SLC44A5: variants seen among roughly 807,000 people sequenced by gnomAD.
SLC44A5 encodes choline transporter-like protein 5.
A neutral mutation model predicts 101.8 loss-of-function variants in SLC44A5; 57 were observed. The observed-to-expected ratio is 0.56, with a 90% confidence interval of 0.45 to 0.70. The LOEUF (loss-of-function observed/expected upper bound fraction) is 0.70, where lower values mean the gene tolerates loss of function less well. Ranked by LOEUF, SLC44A5 falls within the 30% of genes least tolerant of loss-of-function variation. The pLI, the probability that SLC44A5 is intolerant of heterozygous loss-of-function variation, is 0.00. For missense variants in SLC44A5, 737 were observed against 853.1 expected (o/e 0.86, Z 1.70); for synonymous variants, 281 against 290.9 (o/e 0.97, Z 0.35).
At chr1:75,396,961 C>A (rs144103175) in intron 2 of SLC44A5, among the ~76,000 whole-genome samples, 1 of 152,240 alleles carries the variant, frequency 6.6e-6, no homozygotes, top group African/African-American at 2.4e-5. Context: ...AGAAATGAGG[C>A]ATTTTGTTTA....
At chr1:75,713,374 T>C in the SLC44A5 span, among the ~76,000 whole-genome samples, 4 of 152,204 alleles carry the variant, frequency 2.6e-5, no homozygotes, top group Non-Finnish European at 5.9e-5. Flanking sequence ...TCTAAACTCA[T>C]ATACTCTTAC....
intron 3 of SLC44A5, among the ~76,000 whole-genome samples, chr1:75,361,032 TA>T (rs1659452765): frequency 6.6e-6 from 1 of 152,174 alleles, no homozygotes; most frequent in Admixed American, 6.6e-5. Flanking sequence ...CCTACATGAT[TA>T]AATTTACACC....
At chr1:75,449,527 G>A (rs961054600) in intron 2 of SLC44A5, among the ~76,000 whole-genome samples, 2 of 152,096 alleles carry the variant, frequency 1.3e-5, no homozygotes, top group African/African-American at 2.4e-5. Context: ...GACTTTGCGG[G>A]AATCTTCCTC....
At chr1:75,310,185 T>C (rs548608131) in intron 4 of SLC44A5, among the ~76,000 whole-genome samples, 1 of 152,350 alleles carries the variant, frequency 6.6e-6, no homozygotes, top group East Asian at 1.9e-4. Context: ...AGAAATGTGG[T>C]TTAAATTTCA....
At chr1:75,450,771 A>T (rs1665861820) in intron 2 of SLC44A5, among the ~76,000 whole-genome samples, 1 of 152,126 alleles carries the variant, frequency 6.6e-6, no homozygotes, top group Non-Finnish European at 1.5e-5. Context: ...GCACCTGCTC[A>T]CCTGGATCAG....
chr1:75,718,923 C>T, the SLC44A5 span, among the ~76,000 whole-genome samples: 5 of 152,232 alleles, frequency 3.3e-5, no homozygotes, highest in South Asian at 1.0e-3. Context: ...AATTTGAAAA[C>T]TATTTGTGTT....
At chr1:75,716,753 C>T in the SLC44A5 span, among the ~76,000 whole-genome samples, 5 of 152,070 alleles carry the variant, frequency 3.3e-5, no homozygotes, top group Admixed American at 1.3e-4. Context: ...ATATGGTGGC[C>T]GGGCATGCTG....
intron 3 of SLC44A5, among the ~76,000 whole-genome samples, chr1:75,344,339 C>A (rs1658095100): frequency 6.6e-6 from 1 of 152,148 alleles, no homozygotes; most frequent in African/African-American, 2.4e-5. Context: ...GAGCTTAGGA[C>A]ACTATAATAC....
intron 6 of SLC44A5, among the ~76,000 whole-genome samples, chr1:75,268,944 T>C (rs1057397504): frequency 6.6e-6 from 1 of 152,138 alleles, no homozygotes; most frequent in Admixed American, 6.5e-5. Flanking sequence ...AGGAAATCTA[T>C]GCAAATTTCC....
At chr1:75,518,580 GA>G (rs889617703) in intron 2 of SLC44A5, among the ~76,000 whole-genome samples, 2 of 152,106 alleles carry the variant, frequency 1.3e-5, no homozygotes, top group Non-Finnish European at 2.9e-5. Context: ...CAAATAAATA[GA>G]AAAAAATCTG....
chr1:75,578,603 C>T (rs1673507052), intron 1 of SLC44A5, among the ~76,000 whole-genome samples: 1 of 152,062 alleles, frequency 6.6e-6, no homozygotes, highest in South Asian at 2.1e-4. Context: ...AGAAACAGAG[C>T]ATAGAATGGT....
chr1:75,543,328 T>C (rs1045318069), intron 1 of SLC44A5, among the ~76,000 whole-genome samples: 2 of 152,010 alleles, frequency 1.3e-5, no homozygotes, highest in Admixed American at 1.3e-4. Flanking sequence ...TGGAGTACTC[T>C]CTCACTCCAT....
chr1:75,579,989 A>AT (rs1449953003), intron 1 of SLC44A5, among the ~76,000 whole-genome samples: 1 of 152,108 alleles, frequency 6.6e-6, no homozygotes, highest in Non-Finnish European at 1.5e-5. Flanking sequence ...CAAGCATAGT[A>AT]TTTTCCATGC....
chr1:75,341,951 T>G (rs190438290), intron 3 of SLC44A5, among the ~76,000 whole-genome samples: 170 of 152,322 alleles, frequency 1.1e-3, no homozygotes, highest in African/African-American at 4.0e-3. Flanking sequence ...ACCCACTAAC[T>G]GACTCTGATG....
Position 75,472,903 on chromosome 1 carries a change from T to G in SLC44A5, c.13+68532A>C, listed in dbSNP as rs549403113. On this transcript the variant is annotated intron_variant, in intron 2 of 23. Coordinates refer to ENST00000370859, the MANE Select transcript of SLC44A5 (RefSeq NM_001130058.2). ...AGACTAACAAGTGGCAAGCCTTCAC[T>G]CTTACACATATTATAATCTTTGTGG... is the stretch of plus-strand genomic sequence containing the variant. 3.0e-3 allele frequency among the ~76,000 whole-genome samples: 463 copies of G among 152,308 alleles called. 6 individuals are homozygous for G. Among genetic ancestry groups the G allele is most frequent in the Non-Finnish European group, 4.9e-3 (336 of 68,016 alleles).
At chr1:75,588,222 A>AGGAG (rs1159146641) in intron 1 of SLC44A5, among the ~76,000 whole-genome samples, 1 of 128,524 alleles carries the variant, frequency 7.8e-6, no homozygotes, top group Non-Finnish European at 1.6e-5. Flanking sequence ...GAAGGAAGGA[A>AGGAG]GGAGGGAGGG....
chr1:75,481,750 A>AT (rs1377163355), intron 2 of SLC44A5, among the ~76,000 whole-genome samples: 28 of 152,212 alleles, frequency 1.8e-4, no homozygotes, highest in Non-Finnish European at 7.3e-5. Flanking sequence ...AAAAGTCAGG[A>AT]AACAACAGGT....
intron 1 of SLC44A5, chr1:75,582,334 A>T: frequency 1.5e-6 from 2 of 1,357,066 alleles, no homozygotes; most frequent in South Asian, 2.4e-5. Flanking sequence ...AGCCCAAGGA[A>T]GTTAAGCCCA....
At chr1:75,262,868 A>G (rs1650648609) in intron 6 of SLC44A5, among the ~76,000 whole-genome samples, 1 of 152,240 alleles carries the variant, frequency 6.6e-6, no homozygotes, top group Admixed American at 6.5e-5. Context: ...CCTGACAAAA[A>G]CAAGCAATCT....
Sources: gnomAD v4.1 joint callset for allele counts (sites outside exome capture counted in the v4.1 genomes callset) on GRCh38, gnomAD v4.1.1 for gene constraint, MANE v1.5 for transcripts, NCBI Gene and HGNC (gene_info 2026-07-23, HGNC 2026-07-21) for gene names.